The following CPLANE1 variants were observed in gnomAD, a reference collection of about 807,000 sequenced individuals.
The protein encoded by CPLANE1 is ciliogenesis and planar polarity effector complex subunit 1, also known as ciliogenesis and planar polarity effector 1.
In CPLANE1, 263 loss-of-function variants were observed where a neutral mutation model predicts 362.5. The observed-to-expected ratio is 0.73, with a 90% CI of 0.66 to 0.80. CPLANE1 has a LOEUF of 0.80. Among genes scored for constraint, CPLANE1 ranks in the 30% least tolerant of loss-of-function variants. CPLANE1 has a pLI of 0.00. For missense variants in CPLANE1, 3,461 were observed against 3,793.4 expected, an observed-to-expected ratio of 0.91 and a Z score of 2.30; for synonymous variants, 1,212 against 1,302.6, an observed-to-expected ratio of 0.93 and a Z score of 1.50.
intron 21 of CPLANE1, among the ~76,000 whole-genome samples, chr5:37,190,944 A>G (rs1785367282): frequency 6.6e-6 from 1 of 152,234 alleles, no homozygotes; most frequent in African/African-American, 2.4e-5. Context: ...TTACTATACT[A>G]TGCTTTTTAT....
chr5:37,204,765 G>C (rs76833163), intron 18 of CPLANE1, among the ~76,000 whole-genome samples: 1 of 150,146 alleles, frequency 6.7e-6, no homozygotes, highest in Non-Finnish European at 1.5e-5. Flanking sequence ...AAAAAAAAAG[G>C]CATGTATGGA....
At chr5:37,210,434 A>G (rs545871395) in intron 16 of CPLANE1, 31 of 1,020,392 alleles carry the variant, frequency 3.0e-5, no homozygotes, top group Admixed American at 5.6e-5. Context: ...AACTTGAACT[A>G]AAGGACGACT....
chr5:37,224,195 A>G (rs1795958095), intron 14 of CPLANE1, 58 bp downstream of exon 14: 1 of 1,158,040 alleles, frequency 8.6e-7, no homozygotes, highest in East Asian at 2.6e-5. Context: ...TAAGGTCTAC[A>G]GCAAGCTAAA....
chr5:37,138,579 T>C, intron 46 of CPLANE1, 141 bp downstream of exon 46: 2 of 883,416 alleles, frequency 2.3e-6, no homozygotes, highest in Non-Finnish European at 3.7e-6. Flanking sequence ...ATGACACATA[T>C]ACATAACAAA....
intron 46 of CPLANE1, among the ~76,000 whole-genome samples, chr5:37,130,154 CA>C (rs1156257749): frequency 6.6e-6 from 1 of 152,104 alleles, no homozygotes; most frequent in Non-Finnish European, 1.5e-5. Context: ...AATGGAAAAC[CA>C]AACATTGTAT....
chr5:37,182,957 T>C lies in CPLANE1; in HGVS notation c.5224A>G (p.Ser1742Gly). ...ATCCATTCCAGCAGTCTTCCTATAC[T>C]GCCAAAAGTGTTTAGTGCTAAAGGA... ...DLPLALNTFG[S>G]IGRLLEWMIR... The change falls in exon 26 of 53, where the codon AGT becomes GGT. Residue 1742 changes from serine (S) to glycine (G), a missense_variant. Coordinates refer to ENST00000651892, the MANE Select transcript of CPLANE1 (RefSeq NM_001384732.1). 1 of 1,605,838 alleles carries C rather than the reference T, an allele frequency of 6.2e-7. No homozygotes were observed. The highest frequency in any genetic ancestry group is 1.1e-5 in the South Asian group (1 of 89,556).
At chr5:37,111,343 C>A (rs1358400453) in intron 51 of CPLANE1, among the ~76,000 whole-genome samples, 3 of 151,660 alleles carry the variant, frequency 2.0e-5, no homozygotes, top group Non-Finnish European at 4.4e-5. Flanking sequence ...CCAGGATGGT[C>A]TTGATCTCCT....
chr5:37,150,538 ACAC>A lies in CPLANE1; in HGVS notation c.8374-2273_8374-2271del, dbSNP rs553406690. ...CACACACGCGCGCACACACACACAC[ACAC>A]AACTCCTCCTCTTCCTTAGTTTGGA... On this transcript the variant is annotated intron_variant, in intron 42 of 52. Coordinates refer to ENST00000651892, the MANE Select transcript of CPLANE1 (RefSeq NM_001384732.1). Among the ~76,000 whole-genome samples the A allele has an allele frequency of 1.3e-3, 197 of 152,012 alleles. 3 individuals carry two copies. Among genetic ancestry groups the A allele is most frequent in the African/African-American group, 4.6e-3 (189 of 41,478 alleles).
At chr5:37,169,814 C>T (rs1779255819) in intron 33 of CPLANE1, among the ~76,000 whole-genome samples, 1 of 151,910 alleles carries the variant, frequency 6.6e-6, no homozygotes. Context: ...GCAACCTCCA[C>T]CTCCTGAGTT....
At position 37,226,635 on chromosome 5, in the gene CPLANE1, T is replaced by G. The variant is rs1271454737; in HGVS notation, c.1960A>C (p.Lys654Gln). ...TTTATCAAATGCCCCACATCTTGTT[T>G]GTATCTTATATCCCAATAATGGATT... is the stretch of plus-strand genomic sequence containing the variant. ...LSIHYWDIRYKQDVGHLIKLT... is the reference protein window; with the variant it reads ...LSIHYWDIRYQQDVGHLIKLT... Residue 654 changes from lysine (K) to glutamine (Q), a missense_variant, in exon 12 of 53, where the codon AAA becomes CAA. By Grantham distance (53) the Lys-to-Gln change is moderately conservative. This residue lies in a region of CPLANE1 where 3,380 missense variants were observed against 3,666.1 expected (regional missense o/e 0.92). Coordinates refer to ENST00000651892, the MANE Select transcript of CPLANE1 (RefSeq NM_001384732.1). 2 of 1,551,498 alleles carry G rather than the reference T, an allele frequency of 1.3e-6. No individual in the cohort carries two copies. The highest frequency in any genetic ancestry group is 2.0e-5 in the Admixed American group (1 of 51,000).
At chr5:37,177,756 G>A (rs1298350445) in intron 29 of CPLANE1, 56 bp from the exon 30 acceptor site, 1 of 1,340,304 alleles carries the variant, frequency 7.5e-7, no homozygotes, top group African/African-American at 1.5e-5. Flanking sequence ...AGGTATTACT[G>A]TCTTGAGTAT....
intron 46 of CPLANE1, among the ~76,000 whole-genome samples, chr5:37,133,801 C>T (rs985850639): frequency 6.6e-6 from 1 of 152,096 alleles, no homozygotes; most frequent in African/African-American, 2.4e-5. Flanking sequence ...CTAGGACTTC[C>T]AGTACTGTGT....
chr5:37,200,085 A>G (rs1337307118), intron 19 of CPLANE1, among the ~76,000 whole-genome samples: 3 of 152,220 alleles, frequency 2.0e-5, no homozygotes, highest in African/African-American at 7.2e-5. Flanking sequence ...CAGAAAACAA[A>G]CTAGAGCAAA....
the CPLANE1 span, among the ~76,000 whole-genome samples, chr5:37,100,681 T>C: frequency 2.0e-5 from 3 of 152,228 alleles, no homozygotes; most frequent in Non-Finnish European, 4.4e-5. Context: ...GGGAACAGCA[T>C]TGAATCTATA....
intron 21 of CPLANE1, among the ~76,000 whole-genome samples, chr5:37,189,008 C>T (rs1444013188): frequency 3.3e-5 from 5 of 152,076 alleles, no homozygotes; most frequent in African/African-American, 1.2e-4. Flanking sequence ...TGCCACCATA[C>T]CTGGCTAATT....
At position 37,227,755 on chromosome 5, in the gene CPLANE1, T is replaced by A; in HGVS notation, c.1184A>T (p.Asp395Val). The change falls in exon 10 of 53, where the codon GAC becomes GTC. Residue 395 changes from aspartate to valine, a missense_variant. Asp to Val is a radical substitution (Grantham distance 152). Around this residue, in one of 2 missense-constraint regions of CPLANE1, gnomAD observed 3,380 missense variants for 3,666.1 expected, o/e 0.92. Coordinates refer to ENST00000651892, the MANE Select transcript of CPLANE1 (RefSeq NM_001384732.1). ...NSVDSSASDS[D>V]PMRQRFSIKA... ...TATAGAAAATCTCTGTCTCATAGGG[T>A]CACTATCAGAAGCTGATGAATCAAC... 1.3e-6 allele frequency: 2 copies of A among 1,550,894 alleles called. No individual in the cohort carries two copies. The highest frequency in any genetic ancestry group is 1.7e-6 in the Non-Finnish European group (2 of 1,146,356).
chr5:37,104,470 C>T (rs758085536), downstream of CPLANE1, among the ~76,000 whole-genome samples: 1 of 151,650 alleles, frequency 6.6e-6, no homozygotes, highest in African/African-American at 2.4e-5. Context: ...CATGATGGCA[C>T]GTGCCTTTAG....
At chr5:37,126,938 A>AT (rs1341549837) in intron 46 of CPLANE1, among the ~76,000 whole-genome samples, 1 of 152,190 alleles carries the variant, frequency 6.6e-6, no homozygotes, top group Non-Finnish European at 1.5e-5. Flanking sequence ...AATACAAACA[A>AT]TATAGTTTAT....
At chr5:37,197,397 TAG>T (rs1421566196) in intron 20 of CPLANE1, among the ~76,000 whole-genome samples, 2 of 150,858 alleles carry the variant, frequency 1.3e-5, no homozygotes, top group Non-Finnish European at 3.0e-5. Flanking sequence ...TACTAAGAGG[TAG>T]AGAGAGAGAG....
Sources: allele counts gnomAD v4.1 joint callset (sites outside exome capture counted in the v4.1 genomes callset), GRCh38; gene constraint gnomAD v4.1.1; regional missense constraint gnomAD v4.1.1; transcripts MANE v1.5; gene names NCBI Gene and HGNC (gene_info 2026-07-23, HGNC 2026-07-21).